USP46: variants seen among roughly 807,000 people sequenced by gnomAD.
USP46 encodes the protein ubiquitin specific peptidase 46.
In USP46, 12 loss-of-function variants were observed where a neutral mutation model predicts 44.4. The observed-to-expected ratio is 0.27, with a 90% CI of 0.17 to 0.44. The LOEUF (loss-of-function observed/expected upper bound fraction) is 0.44, where lower values mean the gene tolerates loss of function less well. USP46 is among the 20% of genes least tolerant of loss of function. The pLI, the probability that USP46 is intolerant of heterozygous loss-of-function variation, is 1.00. For synonymous variants in USP46, 155 were observed against 161.5 expected (o/e 0.96, Z 0.31); for missense variants, 248 against 444.8 (o/e 0.56, Z 3.98).
In USP46 at chr4:52,628,173, G is replaced by C. The variant is rs998250012; in HGVS notation, c.118-10C>G. ...AGCATGTGTTTCCAAACTGCCAAGGGACAAGAGGGATGGCTCAAGTCATTG... is the reference window on the plus strand; with the variant it reads ...AGCATGTGTTTCCAAACTGCCAAGGCACAAGAGGGATGGCTCAAGTCATTG... On this transcript the variant is annotated splice_polypyrimidine_tract_variant and intron_variant, in intron 2 of 8. Coordinates refer to ENST00000441222, the MANE Select transcript of USP46 (RefSeq NM_022832.4). 4 of 1,611,450 alleles carry C rather than the reference G, an allele frequency of 2.5e-6. No individual in the cohort carries two copies. In the African/African-American group the frequency reaches 4.0e-5, roughly 16 times the overall value.
intron 4 of USP46, among the ~76,000 whole-genome samples, chr4:52,611,243 C>T (rs1716921815): frequency 6.6e-6 from 1 of 152,212 alleles, no homozygotes; most frequent in African/African-American, 2.4e-5. Context: ...AGCCTGGGCT[C>T]ACACAGGCCC....
At chr4:52,644,493 A>G (rs1718463587) in intron 1 of USP46, among the ~76,000 whole-genome samples, 2 of 152,052 alleles carry the variant, frequency 1.3e-5, no homozygotes, top group African/African-American at 4.8e-5. Flanking sequence ...CCTGAGCTCT[A>G]CCTCCGGTCA....
chr4:52,651,124 A>G (rs1170141543), intron 1 of USP46: 1 of 151,990 alleles, frequency 6.6e-6, no homozygotes, highest in Non-Finnish European at 1.5e-5. Flanking sequence ...GAAAGAGAAA[A>G]AAGAACAGAA....
chr4:52,618,926 C>T (rs923787689), intron 4 of USP46, among the ~76,000 whole-genome samples: 1 of 152,128 alleles, frequency 6.6e-6, no homozygotes, highest in African/African-American at 2.4e-5. Flanking sequence ...AACCTTTTGG[C>T]TCCAGTAACA....
chr4:52,632,989 GAAA>G (rs753178157), intron 1 of USP46, among the ~76,000 whole-genome samples: 2 of 31,976 alleles, frequency 6.3e-5, no homozygotes, highest in African/African-American at 2.0e-4. Flanking sequence ...AGAAAGAAAA[GAAA>G]AGAAAGAAAG....
intron 4 of USP46, among the ~76,000 whole-genome samples, chr4:52,623,363 G>A (rs1717451239): frequency 6.6e-6 from 1 of 152,052 alleles, no homozygotes; most frequent in African/African-American, 2.4e-5. Context: ...AACTATAATG[G>A]ATTAAAACAC....
intron 1 of USP46, among the ~76,000 whole-genome samples, chr4:52,657,040 CAAAA>C (rs959028429): frequency 6.8e-5 from 2 of 29,256 alleles, no homozygotes; most frequent in Admixed American, 3.3e-4. Flanking sequence ...GAGACCTTGT[CAAAA>C]AAAAAAAAAA....
At chr4:52,639,578 C>T (rs142839709) in intron 1 of USP46, among the ~76,000 whole-genome samples, 74 of 152,320 alleles carry the variant, frequency 4.9e-4, no homozygotes, top group African/African-American at 1.7e-3. Context: ...TACTTTTGCT[C>T]ACAATCCTGC....
At position 52,615,473 on chromosome 4, in the gene USP46, A is replaced by C. The variant is rs568174577; in HGVS notation, c.562-4856T>G. ...ATAAGAATGTCAACTTATCAGAAAAACACAACAGTCAAATATGGATAGCCC... is the reference window on the plus strand; with the variant it reads ...ATAAGAATGTCAACTTATCAGAAAACCACAACAGTCAAATATGGATAGCCC... On this transcript the variant is annotated intron_variant, in intron 4 of 8. Coordinates refer to ENST00000441222, the MANE Select transcript of USP46 (RefSeq NM_022832.4). Among the ~76,000 whole-genome samples, 40 of 152,178 alleles carry C rather than the reference A, an allele frequency of 2.6e-4. 1 individual carries two copies. The highest frequency in any genetic ancestry group is 4.6e-4 in the Non-Finnish European group (31 of 68,010).
chr4:52,598,992 CAGGCCCTATTCT>C (rs1716349371), intron 7 of USP46, among the ~76,000 whole-genome samples: 1 of 152,200 alleles, frequency 6.6e-6, no homozygotes, highest in Non-Finnish European at 1.5e-5. Flanking sequence ...TATTCTGTGC[CAGGCCCTATTCT>C]AGCTGTCAGG....
In USP46 at chr4:52,609,894, ATTTC is replaced by A. The variant is rs1560394490; in HGVS notation, c.638+643_638+646del. Among the ~76,000 whole-genome samples, 18 of 20,692 alleles carry A rather than the reference ATTTC, an allele frequency of 8.7e-4. 2 individuals carry two copies. The highest frequency in any genetic ancestry group is 4.1e-3 in the Admixed American group (8 of 1,946). The allele number at this position is 20,692 out of a possible 152,430, so 13.6% of individuals were successfully genotyped here. On this transcript the variant is annotated intron_variant, in intron 5 of 8. Coordinates refer to ENST00000441222, the MANE Select transcript of USP46 (RefSeq NM_022832.4). Reference sequence around the variant, plus strand: ...TTATGGAAACCTAAACCTCAATTCTATTTCTTTTTTTTTTTTTTTTTTTTTTTTT... The same window carrying A: ...TTATGGAAACCTAAACCTCAATTCTATTTTTTTTTTTTTTTTTTTTTTTTT...
intron 2 of USP46, chr4:52,629,798 A>G (rs1247488253): frequency 2.2e-6 from 1 of 450,690 alleles, no homozygotes; most frequent in Admixed American, 2.4e-5. Context: ...CAAAGGGTAG[A>G]AGCCATTATG....
chr4:52,647,691 A>G (rs1403600766), intron 1 of USP46, among the ~76,000 whole-genome samples: 1 of 152,228 alleles, frequency 6.6e-6, no homozygotes, highest in African/African-American at 2.4e-5. Context: ...GTCAGAAATC[A>G]TAGCTTCTTC....
Position 52,610,176 on chromosome 4 carries a change from G to A in USP46, c.638+365C>T, listed in dbSNP as rs539085633. Among the ~76,000 whole-genome samples the A allele has an allele frequency of 2.3e-4, 35 of 151,304 alleles. 1 individual carries two copies. The highest frequency in any genetic ancestry group is 1.9e-3 in the South Asian group (9 of 4,776). On this transcript the variant is annotated intron_variant, in intron 5 of 8. Transcript: ENST00000441222. ...CCTGACCTCGTGATCCGCCCGTCTC[G>A]GCCTCCCAAAGTGCTGGGATTACAG...
At chr4:52,614,153 T>C (rs1038843163) in intron 4 of USP46, among the ~76,000 whole-genome samples, 4 of 152,044 alleles carry the variant, frequency 2.6e-5, no homozygotes, top group Non-Finnish European at 5.9e-5. Flanking sequence ...AGAAAAAAGA[T>C]TGAAGTAAAA....
rs1366086135 is a variant in USP46 at position 52,606,719 on chromosome 4, C to A, written c.639-2135G>T. Among the ~76,000 whole-genome samples, 5 of 152,282 alleles carry A rather than the reference C, an allele frequency of 3.3e-5. No homozygotes were observed. The South Asian group carries it at 1.0e-3, about 32-fold the overall frequency. ...ATGCTACCAAGAAGCCAGCATGAAC[C>A]CTAACCAACAGTCTCAACAAAGAAA... On this transcript the variant is annotated intron_variant, in intron 5 of 8. Transcript: ENST00000441222.
At chr4:52,655,164 G>C (rs1477795757) in intron 1 of USP46, 1 of 152,202 alleles carries the variant, frequency 6.6e-6, no homozygotes, top group Non-Finnish European at 1.5e-5. Flanking sequence ...TCTTTCCACT[G>C]TACAGCTGCT....
At chr4:52,617,616 C>T (rs144278253) in intron 4 of USP46, among the ~76,000 whole-genome samples, 47 of 152,296 alleles carry the variant, frequency 3.1e-4, no homozygotes, top group Non-Finnish European at 8.8e-5. Flanking sequence ...TTTTCTCTCT[C>T]CTTGCCCTAG....
intron 8 of USP46, 197 bp downstream of exon 8, chr4:52,598,431 G>T (rs1716329381): frequency 1.7e-6 from 1 of 579,000 alleles, no homozygotes; most frequent in Non-Finnish European, 3.1e-6. Flanking sequence ...CACAGCGTCA[G>T]TGAGTCCATG....
Sources: allele counts gnomAD v4.1 joint callset (sites outside exome capture counted in the v4.1 genomes callset), GRCh38; gene constraint gnomAD v4.1.1; transcripts MANE v1.5; gene names NCBI Gene and HGNC (gene_info 2026-07-23, HGNC 2026-07-21).